The following PAQR8 variants were observed in gnomAD, a reference collection of about 807,000 sequenced individuals.
PAQR8 encodes membrane progestin receptor beta.
Under a neutral mutation model 25.2 loss-of-function variants are expected in PAQR8, and 17 were observed. The ratio of observed to expected loss-of-function variants is 0.67; its 90% CI spans 0.46 to 1.01. PAQR8 has a LOEUF of 1.01. PAQR8 is among the 50% of genes least tolerant of loss of function. PAQR8 has a pLI of 0.00. For missense variants in PAQR8, 392 were observed against 448.4 expected, an observed-to-expected ratio of 0.87 and a Z score of 1.14; for synonymous variants, 204 against 190.6, an observed-to-expected ratio of 1.07 and a Z score of -0.58.
intron 1 of PAQR8, among the ~76,000 whole-genome samples, chr6:52,395,528 A>G (rs764648390): frequency 1.3e-5 from 2 of 152,184 alleles, no homozygotes; most frequent in Non-Finnish European, 2.9e-5. Context: ...AACATTTTCA[A>G]ACATGTCTTT....
At chr6:52,392,080 A>G (rs1763714743) in intron 1 of PAQR8, among the ~76,000 whole-genome samples, 1 of 152,162 alleles carries the variant, frequency 6.6e-6, no homozygotes, top group Non-Finnish European at 1.5e-5. Context: ...AATTTGCTTA[A>G]AAATCACTTA....
chr6:52,395,641 A>G (rs1763759152), intron 1 of PAQR8, among the ~76,000 whole-genome samples: 1 of 152,254 alleles, frequency 6.6e-6, no homozygotes, highest in South Asian at 2.1e-4. Flanking sequence ...ATTAAAATCA[A>G]TTATAAGGTA....
At chr6:52,400,166 G>A (rs1240570404) in intron 1 of PAQR8, among the ~76,000 whole-genome samples, 6 of 152,022 alleles carry the variant, frequency 3.9e-5, no homozygotes, top group Non-Finnish European at 7.4e-5. Flanking sequence ...TGAGTTCATA[G>A]CCCATTCCTG....
chr6:52,398,557 CTTG>C (rs35915841), intron 1 of PAQR8, among the ~76,000 whole-genome samples: 2 of 150,624 alleles, frequency 1.3e-5, no homozygotes, highest in Non-Finnish European at 1.5e-5. Context: ...TAAGTCCTTT[CTTG>C]TTGTTGTTTT....
Position 52,392,945 on chromosome 6 carries a change from T to G in PAQR8, c.-52-10217T>G, listed in dbSNP as rs112029282. 1.1e-3 allele frequency among the ~76,000 whole-genome samples: 168 copies of G among 152,356 alleles called. 1 individual carries two copies. The highest frequency in any genetic ancestry group is 3.8e-3 in the African/African-American group (158 of 41,578). Reference sequence around the variant, plus strand: ...AAAGATCTGAGAAACTTTGCAGTACTGATTGTTTTTGTAAGGCCAACTGCA... The same window carrying G: ...AAAGATCTGAGAAACTTTGCAGTACGGATTGTTTTTGTAAGGCCAACTGCA... On this transcript the variant is annotated intron_variant, in intron 1 of 1. Coordinates refer to ENST00000442253, the MANE Select transcript of PAQR8 (RefSeq NM_133367.5).
At position 52,403,571 on chromosome 6, in the gene PAQR8, A is replaced by G. The variant is rs755717230; in HGVS notation, c.358A>G (p.Ile120Val). The change falls in exon 2 of 2, where the codon ATC (isoleucine) becomes GTC (valine). Residue 120 changes from isoleucine (I) to valine (V), a missense_variant. Physicochemically the swap from Ile to Val is conservative, Grantham distance 29 (BLOSUM62 3). Coordinates refer to ENST00000442253, the MANE Select transcript of PAQR8 (RefSeq NM_133367.5). ...TCTGCTCCTCTTCATCCTGTCGTCAATCACTTACCTCACCTGCAGCCTTCT... is the reference window on the plus strand; with the variant it reads ...TCTGCTCCTCTTCATCCTGTCGTCAGTCACTTACCTCACCTGCAGCCTTCT... ...LPLLLFILSS[I>V]TYLTCSLLAH... 8 of 1,613,984 alleles carry G rather than the reference A, an allele frequency of 5.0e-6. No individual in the cohort carries two copies. The highest frequency in any genetic ancestry group is 4.0e-5 in the African/African-American group (3 of 74,940).
chr6:52,384,151 A>C (rs1763601269), intron 1 of PAQR8, among the ~76,000 whole-genome samples: 1 of 152,240 alleles, frequency 6.6e-6, no homozygotes, highest in Non-Finnish European at 1.5e-5. Flanking sequence ...TTGATGCCTG[A>C]GAGATTGGTT....
Position 52,403,908 on chromosome 6 carries a change from T to C in PAQR8, c.695T>C (p.Val232Ala), listed in dbSNP as rs1267474034. ...GACATCAGCCCTGTGGCACACCGTG[T>C]GGCGCTCTGTCACCTGGCTGGCTGC... ...ILDISPVAHR[V>A]ALCHLAGCQE... The change falls in exon 2 of 2, where the codon GTG becomes GCG. Residue 232 changes from valine to alanine, a missense_variant. By Grantham distance (64) the Val-to-Ala change is moderately conservative (BLOSUM62 0). Coordinates refer to ENST00000442253, the MANE Select transcript of PAQR8 (RefSeq NM_133367.5). 1.9e-5 allele frequency: 30 copies of C among 1,614,144 alleles called. No homozygotes were observed. Among genetic ancestry groups the C allele is most frequent in the Non-Finnish European group, 2.5e-5 (30 of 1,180,048 alleles).
rs562975183 is a variant in PAQR8, at chr6:52,406,144, A to C, written c.*1866A>C. On this transcript the variant is annotated 3_prime_UTR_variant, in exon 2 of 2. Transcript: ENST00000442253. ...AATTTATGGCAAATAAAATTAGCAA[A>C]ACTGAACTGGGTTGAACTGAACAAG... The C allele has an allele frequency of 5.7e-4, 112 of 197,450 alleles. No individual in the cohort carries two copies. The highest frequency in any genetic ancestry group is 2.4e-3 in the African/African-American group (103 of 42,972). 12.2% of individuals were successfully genotyped at this position (197,450 alleles called of 1,614,324 possible).
intron 1 of PAQR8, among the ~76,000 whole-genome samples, chr6:52,365,998 C>T (rs1243688962): frequency 2.6e-5 from 4 of 152,150 alleles, no homozygotes; most frequent in Admixed American, 1.3e-4. Flanking sequence ...CTACAGTTCT[C>T]TTGGCACGTA....
At chr6:52,372,259 C>T (rs1431297210) in intron 1 of PAQR8, among the ~76,000 whole-genome samples, 2 of 152,160 alleles carry the variant, frequency 1.3e-5, no homozygotes, top group East Asian at 1.9e-4. Flanking sequence ...AAAGCTGACT[C>T]GGAACTCTGA....
In PAQR8 at chr6:52,404,097, C is replaced by T. The variant is rs981954051; in HGVS notation, c.884C>T (p.Ser295Phe). 2 of 1,614,254 alleles carry T rather than the reference C, an allele frequency of 1.2e-6. No homozygotes were observed. The highest frequency in any genetic ancestry group is 1.1e-5 in the South Asian group (1 of 91,080). Residue 295 changes from serine (S) to phenylalanine (F), a missense_variant, in exon 2 of 2, where the codon TCC becomes TTC. Coordinates refer to ENST00000442253, the MANE Select transcript of PAQR8 (RefSeq NM_133367.5). ...FHAFLSICTL[S>F]QLEAILLDYQ... Reference sequence around the variant, plus strand: ...GCATTTCTGTCCATCTGTACGCTCTCCCAGCTGGAGGCCATCCTCCTGGAC... The same window carrying T: ...GCATTTCTGTCCATCTGTACGCTCTTCCAGCTGGAGGCCATCCTCCTGGAC...
At chr6:52,393,392 G>C (rs1316958339) in intron 1 of PAQR8, among the ~76,000 whole-genome samples, 1 of 141,404 alleles carries the variant, frequency 7.1e-6, no homozygotes, top group African/African-American at 2.7e-5. Flanking sequence ...CTGGAGTGCA[G>C]TGGCATAACC....
At chr6:52,392,167 C>T (rs1763715990) in intron 1 of PAQR8, among the ~76,000 whole-genome samples, 1 of 152,162 alleles carries the variant, frequency 6.6e-6, no homozygotes, top group East Asian at 1.9e-4. Context: ...CACGGTGAAA[C>T]CCCGTCTCTA....
chr6:52,390,233 A>G (rs1763685199), intron 1 of PAQR8, among the ~76,000 whole-genome samples: 1 of 152,218 alleles, frequency 6.6e-6, no homozygotes, highest in East Asian at 1.9e-4. Flanking sequence ...GTAATGATGC[A>G]TTTTGAAACC....
intron 1 of PAQR8, among the ~76,000 whole-genome samples, chr6:52,402,852 G>C (rs772819823): frequency 6.6e-5 from 10 of 152,108 alleles, no homozygotes; most frequent in African/African-American, 2.4e-4. Context: ...GAGGAGGGAG[G>C]AGTGCTTGAG....
At chr6:52,370,332 G>A (rs2113934595) in intron 1 of PAQR8, among the ~76,000 whole-genome samples, 1 of 152,124 alleles carries the variant, frequency 6.6e-6, no homozygotes, top group East Asian at 1.9e-4. Context: ...CGGCAGAGGT[G>A]GGGTTCAAAT....
intron 1 of PAQR8, among the ~76,000 whole-genome samples, chr6:52,364,090 T>TTTG (rs1554254740): frequency 7.0e-6 from 1 of 143,762 alleles, no homozygotes; most frequent in Non-Finnish European, 1.5e-5. Flanking sequence ...TATGTTTTTT[T>TTTG]TTTTTTTTTT....
rs1409770206 is a variant in PAQR8, at chr6:52,362,197, GCGGGCTGGGC to G, written c.-94_-85del. ...GTGGCCGGGACCCCGAGGCGGGAGCGCGGGCTGGGCCGGGCTGGGCTACGCGCACGGGCTC... is the reference window on the plus strand; with the variant it reads ...GTGGCCGGGACCCCGAGGCGGGAGCGCGGGCTGGGCTACGCGCACGGGCTC... On this transcript the variant is annotated 5_prime_UTR_variant, in exon 1 of 2. Coordinates refer to ENST00000442253, the MANE Select transcript of PAQR8 (RefSeq NM_133367.5). The surrounding 1 kb of genome is among the most constrained non-coding windows in gnomAD (Gnocchi z 4.1). The G allele has an allele frequency of 6.6e-6, 1 of 151,812 alleles. No homozygotes were observed. The highest frequency in any genetic ancestry group is 1.5e-5 in the Non-Finnish European group (1 of 67,920). The allele number at this position is 151,812 out of a possible 1,614,324, so 9.4% of individuals were successfully genotyped here.
Sources: gnomAD v4.1 joint callset for allele counts (sites outside exome capture counted in the v4.1 genomes callset) on GRCh38, gnomAD v4.1.1 for gene constraint, Gnocchi (gnomAD v3.1) non-coding constraint, MANE v1.5 for transcripts, NCBI Gene and HGNC (gene_info 2026-07-23, HGNC 2026-07-21) for gene names.